The following PLCB1 variants were observed in gnomAD, a reference collection of about 807,000 sequenced individuals.
PLCB1 encodes the protein phospholipase C beta 1.
A neutral mutation model predicts 161.8 loss-of-function variants in PLCB1; 46 were observed. That is an observed-to-expected ratio of 0.28 (90% CI 0.22 to 0.36). PLCB1 has a LOEUF of 0.36. Among genes scored for constraint, PLCB1 ranks in the 10% least tolerant of loss-of-function variants. The pLI is 1.00. For synonymous variants in PLCB1, 517 were observed against 503.7 expected (o/e 1.03, Z -0.35); for missense variants, 1,016 against 1,472.5 (o/e 0.69, Z 5.07).
At chr20:8,485,106 G>A (rs371714611) in intron 3 of PLCB1, among the ~76,000 whole-genome samples, 1 of 152,178 alleles carries the variant, frequency 6.6e-6, no homozygotes, top group Non-Finnish European at 1.5e-5. Context: ...CATCCAGTGG[G>A]TACTGAGCTG....
At chr20:8,233,368 C>G (rs959848173) in intron 2 of PLCB1, among the ~76,000 whole-genome samples, 17 of 152,124 alleles carry the variant, frequency 1.1e-4, no homozygotes, top group African/African-American at 3.9e-4. Flanking sequence ...AGAATGAATC[C>G]TTTTTAGTAA....
chr20:8,197,691 T>C (rs2052040695), intron 2 of PLCB1, among the ~76,000 whole-genome samples: 1 of 152,214 alleles, frequency 6.6e-6, no homozygotes, highest in Non-Finnish European at 1.5e-5. Flanking sequence ...ATTTTGGCTT[T>C]TGTTGCCATT....
rs138520422 is a variant in PLCB1 at position 8,485,719 on chromosome 20, C to A, written c.246+114269C>A. Among the ~76,000 whole-genome samples, 5 of 152,280 alleles carry A rather than the reference C, an allele frequency of 3.3e-5. No individual in the cohort carries two copies. In the East Asian group the frequency reaches 9.7e-4, roughly 29 times the overall value. The stretch of plus-strand genomic sequence containing the variant: ...GCTTATTCTGCTAATAGGAGCAATT[C>A]TAATGTTGGCATGCACTCACACAGG... On this transcript the variant is annotated intron_variant, in intron 3 of 31. Coordinates refer to ENST00000338037, the MANE Select transcript of PLCB1 (RefSeq NM_015192.4).
At chr20:8,825,474 G>A (rs545678052) in intron 31 of PLCB1, among the ~76,000 whole-genome samples, 7 of 152,182 alleles carry the variant, frequency 4.6e-5, no homozygotes, top group East Asian at 1.9e-4. Context: ...TTTCAGATAC[G>A]GAGAATAATA....
intron 9 of PLCB1, among the ~76,000 whole-genome samples, chr20:8,667,287 C>G (rs944320764): frequency 6.6e-6 from 1 of 152,126 alleles, no homozygotes; most frequent in East Asian, 1.9e-4. Flanking sequence ...ACTCTCTAAC[C>G]TCTGCGGAAG....
chr20:8,139,179 C>T (rs777305455), intron 1 of PLCB1, among the ~76,000 whole-genome samples: 14 of 148,966 alleles, frequency 9.4e-5, no homozygotes, highest in East Asian at 2.0e-4. Flanking sequence ...CCTCTGCAGC[C>T]GGGTTCAAGC....
intron 31 of PLCB1, among the ~76,000 whole-genome samples, chr20:8,816,584 T>G (rs539217365): frequency 6.6e-5 from 10 of 152,302 alleles, no homozygotes; most frequent in African/African-American, 2.4e-4. Context: ...TCTATATATT[T>G]TTCTAAAAGG....
intron 2 of PLCB1, among the ~76,000 whole-genome samples, chr20:8,283,860 A>G (rs896916889): frequency 6.6e-6 from 1 of 151,908 alleles, no homozygotes; most frequent in Non-Finnish European, 1.5e-5. Flanking sequence ...ATTCTTGGTA[A>G]TTTGTCTATC....
intron 27 of PLCB1, 24 bp from the exon 28 acceptor site, chr20:8,788,425 C>T (rs1179068655): frequency 6.2e-7 from 1 of 1,607,258 alleles, no homozygotes; most frequent in Non-Finnish European, 8.5e-7. Context: ...TTTGAAATAG[C>T]AAACTGACAT....
chr20:8,134,417 A>G (rs1160286793), intron 1 of PLCB1, among the ~76,000 whole-genome samples: 2 of 152,250 alleles, frequency 1.3e-5, no homozygotes, highest in African/African-American at 2.4e-5. Context: ...TGATGATTCT[A>G]AACTGTATTT....
intron 3 of PLCB1, among the ~76,000 whole-genome samples, chr20:8,393,306 T>C (rs1987665179): frequency 1.3e-5 from 2 of 152,120 alleles, no homozygotes; most frequent in African/African-American, 4.8e-5. Context: ...TTTCCTCAGG[T>C]ATATAGAATA....
At chr20:8,569,118 C>T (rs1568511927) in intron 3 of PLCB1, among the ~76,000 whole-genome samples, 1 of 152,222 alleles carries the variant, frequency 6.6e-6, no homozygotes, top group Non-Finnish European at 1.5e-5. Context: ...CACTGCTGCT[C>T]ATCCCATACT....
intron 3 of PLCB1, among the ~76,000 whole-genome samples, chr20:8,558,395 T>C (rs917684498): frequency 6.7e-6 from 1 of 150,330 alleles, no homozygotes; most frequent in South Asian, 2.1e-4. Flanking sequence ...GACAAAGAAC[T>C]GAAGGATAAA....
Position 8,168,750 on chromosome 20 carries a change from CT to C in PLCB1, c.177+18391del, listed in dbSNP as rs536734444. On this transcript the variant is annotated intron_variant, in intron 2 of 31. Coordinates refer to ENST00000338037, the MANE Select transcript of PLCB1 (RefSeq NM_015192.4). ...GTGATTTTTCTGTGCCTGATGTAGT[CT>C]TTTTTTTTTTTCCCTTTCTTTGTAT... is the stretch of plus-strand genomic sequence containing the variant. 7.9e-3 allele frequency among the ~76,000 whole-genome samples: 1,109 copies of C among 141,050 alleles called. 6 individuals are homozygous for C. The highest frequency in any genetic ancestry group is 0.011 in the Middle Eastern group (3 of 270). The allele number at this position is 141,050 out of a possible 152,430, so 92.5% of individuals were successfully genotyped here.
chr20:8,579,918 T>G (rs911761454), intron 3 of PLCB1, among the ~76,000 whole-genome samples: 27 of 152,254 alleles, frequency 1.8e-4, no homozygotes, highest in African/African-American at 6.0e-4. Flanking sequence ...CAGGAACAAA[T>G]AGGCAAGGTA....
At chr20:8,154,910 G>A (rs2876122) in intron 2 of PLCB1, among the ~76,000 whole-genome samples, 60,199 of 151,936 alleles carry the variant, frequency 0.4, 11,976 homozygotes, top group Middle Eastern at 0.44. Context: ...GAAGCTTTAA[G>A]TTTTCATGTA....
At chr20:8,559,457 C>G (rs1391959551) in intron 3 of PLCB1, among the ~76,000 whole-genome samples, 7 of 151,756 alleles carry the variant, frequency 4.6e-5, no homozygotes, top group Admixed American at 3.9e-4. Context: ...AAAAGTAAAT[C>G]CTTTCTCACC....
At chr20:8,838,548 T>C (rs1449127226) in intron 31 of PLCB1, among the ~76,000 whole-genome samples, 2 of 152,214 alleles carry the variant, frequency 1.3e-5, no homozygotes, top group African/African-American at 4.8e-5. Flanking sequence ...CTGACAGAAC[T>C]GCTATATTGG....
At chr20:8,587,876 A>G (rs1282447855) in intron 3 of PLCB1, among the ~76,000 whole-genome samples, 1 of 152,208 alleles carries the variant, frequency 6.6e-6, no homozygotes, top group Non-Finnish European at 1.5e-5. Context: ...GTTCTACAGT[A>G]CATAACTGTA....
Sources: gnomAD v4.1 joint callset for allele counts (sites outside exome capture counted in the v4.1 genomes callset) on GRCh38, gnomAD v4.1.1 for gene constraint, MANE v1.5 for transcripts, NCBI Gene and HGNC (gene_info 2026-07-23, HGNC 2026-07-21) for gene names.